The following UBE4B variants were observed in gnomAD, a reference collection of about 807,000 sequenced individuals.
The protein encoded by UBE4B is ubiquitin conjugation factor E4 B.
UBE4B carries 27 observed loss-of-function variants against 148.1 expected under a neutral mutation model. That is an observed-to-expected ratio of 0.18 (90% CI 0.13 to 0.25). The LOEUF (loss-of-function observed/expected upper bound fraction) is 0.25, where lower values mean the gene tolerates loss of function less well. Ranked by LOEUF, UBE4B falls within the 10% of genes least tolerant of loss-of-function variation. The pLI is 1.00. For synonymous variants in UBE4B, 596 were observed against 619.3 expected, an observed-to-expected ratio of 0.96 and a Z score of 0.56; for missense variants, 1,170 against 1,662.4, an observed-to-expected ratio of 0.70 and a Z score of 5.15.
At chr1:10,130,637 T>C (rs766825304) in intron 13 of UBE4B, 21 bp downstream of exon 13, 2 of 1,612,842 alleles carry the variant, frequency 1.2e-6, no homozygotes, top group African/African-American at 2.7e-5. Context: ...TGGCTACTTG[T>C]ACTTTGCTGC....
At chr1:10,111,437 CA>C (rs1271405857) in intron 7 of UBE4B, among the ~76,000 whole-genome samples, 1 of 152,140 alleles carries the variant, frequency 6.6e-6, no homozygotes, top group East Asian at 1.9e-4. Flanking sequence ...CCGGCTCCCT[CA>C]CTCTCCTCAG....
rs1355402486 is a variant in UBE4B, at chr1:10,105,517, A to G, written c.582A>G (p.Val194=). Residue 194 remains valine (V), a splice_region_variant and synonymous_variant, in exon 6 of 28, where the codon GTA becomes GTG. Coordinates refer to ENST00000343090, the MANE Select transcript of UBE4B (RefSeq NM_001105562.3). ...SAQFKQNPKE[V]FSDFKDLIGQ... ...TTCTTTGTTCTGCCTTTCCAACAGT[A>G]TTCTCCGATTTTAAGGACTTGATTG... 1 of 1,614,044 alleles carries G rather than the reference A, an allele frequency of 6.2e-7. No individual in the cohort carries two copies. Among genetic ancestry groups the G allele is most frequent in the Admixed American group, 1.7e-5 (1 of 60,020 alleles).
At chr1:10,114,668 A>G (rs1033879709) in intron 7 of UBE4B, among the ~76,000 whole-genome samples, 5 of 152,170 alleles carry the variant, frequency 3.3e-5, no homozygotes, top group African/African-American at 4.8e-5. Flanking sequence ...GTTTGAGACT[A>G]TCCCGGCCAA....
At chr1:10,127,627 G>A (rs957862920) in intron 11 of UBE4B, among the ~76,000 whole-genome samples, 3 of 152,198 alleles carry the variant, frequency 2.0e-5, no homozygotes, top group African/African-American at 7.2e-5. Context: ...TATAAATTAA[G>A]TCTTATGTAA....
chr1:10,097,671 A>G (rs1216727248), intron 3 of UBE4B, among the ~76,000 whole-genome samples: 1 of 152,028 alleles, frequency 6.6e-6, no homozygotes, highest in African/African-American at 2.4e-5. Context: ...TTAGCGGGGC[A>G]TGGTGGCATG....
At chr1:10,174,845 G>A (rs1646393763) in intron 25 of UBE4B, among the ~76,000 whole-genome samples, 1 of 152,110 alleles carries the variant, frequency 6.6e-6, no homozygotes, top group Non-Finnish European at 1.5e-5. Context: ...GCTTTGGTGG[G>A]GCAGGGGGCG....
intron 1 of UBE4B, among the ~76,000 whole-genome samples, chr1:10,069,886 T>C (rs772438325): frequency 6.6e-5 from 10 of 152,316 alleles, no homozygotes; most frequent in East Asian, 1.9e-4. Context: ...AAGTGACTTA[T>C]CTGGATAGGC....
chr1:10,087,001 G>A (rs1192423668), intron 2 of UBE4B, among the ~76,000 whole-genome samples: 1 of 152,180 alleles, frequency 6.6e-6, no homozygotes, highest in African/African-American at 2.4e-5. Flanking sequence ...ACTTAGGTAT[G>A]CTAAAAGTGG....
intron 9 of UBE4B, among the ~76,000 whole-genome samples, chr1:10,120,179 G>T (rs1057459889): frequency 9.9e-5 from 15 of 152,114 alleles, no homozygotes; most frequent in Admixed American, 9.8e-4. Flanking sequence ...AAAAGGATGT[G>T]TATTTCATTT....
At chr1:10,128,628 A>C (rs749610373) in intron 11 of UBE4B, 17 of 152,244 alleles carry the variant, frequency 1.1e-4, no homozygotes, top group Admixed American at 1.1e-3. Context: ...CTCCTGCACT[A>C]GGCAGTGAGA....
At chr1:10,038,065 G>A (rs1020106548) in intron 1 of UBE4B, among the ~76,000 whole-genome samples, 5 of 152,094 alleles carry the variant, frequency 3.3e-5, no homozygotes, top group East Asian at 2.0e-4. Context: ...TGGATCACCT[G>A]AGTTCGGGAG....
chr1:10,088,663 G>T (rs184369454), intron 2 of UBE4B, among the ~76,000 whole-genome samples: 2 of 148,976 alleles, frequency 1.3e-5, no homozygotes, highest in Non-Finnish European at 3.0e-5. Flanking sequence ...GAGCCACCAC[G>T]CCTGACCGTA....
Position 10,144,292 on chromosome 1 carries a change from A to T in UBE4B, c.2364-648A>T, listed in dbSNP as rs563896947. ...TTTTGGGTAATTGAATAGGCAAAGT[A>T]ACCTCGAATTTTCATGAGAGACTTC... On this transcript the variant is annotated intron_variant, in intron 17 of 27. Coordinates refer to ENST00000343090, the MANE Select transcript of UBE4B (RefSeq NM_001105562.3). Among the ~76,000 whole-genome samples, 132 of 152,322 alleles carry T rather than the reference A, an allele frequency of 8.7e-4. 1 individual carries two copies. The highest frequency in any genetic ancestry group is 2.9e-3 in the African/African-American group (120 of 41,578).
At chr1:10,046,547 T>A (rs531280677) in intron 1 of UBE4B, among the ~76,000 whole-genome samples, 11 of 152,168 alleles carry the variant, frequency 7.2e-5, no homozygotes, top group Non-Finnish European at 1.5e-4. Flanking sequence ...CAGGCTGAGC[T>A]GTGAGCGCTT....
At chr1:10,148,586 C>G (rs1645917206) in intron 19 of UBE4B, among the ~76,000 whole-genome samples, 1 of 148,240 alleles carries the variant, frequency 6.7e-6, no homozygotes, top group South Asian at 2.1e-4. Flanking sequence ...GAGCCGAGAT[C>G]ACGCCACTGT....
At chr1:10,171,551 G>A (rs565572941) in intron 25 of UBE4B, among the ~76,000 whole-genome samples, 10 of 152,306 alleles carry the variant, frequency 6.6e-5, no homozygotes, top group Admixed American at 3.3e-4. Flanking sequence ...GCAGTGAGCC[G>A]TGATTGCACC....
chr1:10,097,875 C>T (rs1352303456), intron 3 of UBE4B, among the ~76,000 whole-genome samples: 1 of 151,936 alleles, frequency 6.6e-6, no homozygotes, highest in Non-Finnish European at 1.5e-5. Context: ...AAGCATTTGT[C>T]CTTATTTTTT....
Position 10,130,484 on chromosome 1 carries a change from TC to T in UBE4B, c.1696-14del. 6.2e-7 allele frequency: 1 copy of T among 1,612,306 alleles called. No homozygotes were observed. The highest frequency in any genetic ancestry group is 8.5e-7 in the Non-Finnish European group (1 of 1,178,746). On this transcript the variant is annotated splice_polypyrimidine_tract_variant and intron_variant, in intron 12 of 27. Transcript: ENST00000343090. ...CCTGTTCAGCGGCTTGACTGGCTCT[TC>T]CATCTTCTGCCTAGGTTGCTTCTTT... is the stretch of plus-strand genomic sequence containing the variant.
rs1253878953 is a variant in UBE4B, at chr1:10,154,082, C to T, written c.2926+2521C>T. Among the ~76,000 whole-genome samples, 4 of 148,596 alleles carry T rather than the reference C, an allele frequency of 2.7e-5. No individual in the cohort carries two copies. The East Asian group carries it at 5.9e-4, about 22-fold the overall frequency. On this transcript the variant is annotated intron_variant, in intron 21 of 27. Transcript: ENST00000343090. ...GGGCAACAAGAGCAAAACTCCGTCT[C>T]AAAAACAAAAATTAGCTGGACATGG...
Sources: gnomAD v4.1 joint callset for allele counts (sites outside exome capture counted in the v4.1 genomes callset) on GRCh38, gnomAD v4.1.1 for gene constraint, MANE v1.5 for transcripts, NCBI Gene and HGNC (gene_info 2026-07-23, HGNC 2026-07-21) for gene names.